Variants in DENND6A observed in about 807,000 individuals in gnomAD.
DENND6A encodes the protein DENN domain containing 6A, also known as protein DENND6A.
In DENND6A, 43 loss-of-function variants were observed where a neutral mutation model predicts 95.5. That is an observed-to-expected ratio of 0.45 (90% confidence interval 0.35 to 0.58). The LOEUF (loss-of-function observed/expected upper bound fraction) is 0.58, where lower values mean the gene tolerates loss of function less well. DENND6A is among the 20% of genes least tolerant of loss of function. The pLI is 0.00. For synonymous variants in DENND6A, 257 were observed against 260.4 expected (o/e 0.99, Z 0.13); for missense variants, 574 against 736.0 (o/e 0.78, Z 2.55).
At chr3:57,651,134 C>A (rs2071201429) in intron 9 of DENND6A, among the ~76,000 whole-genome samples, 1 of 152,162 alleles carries the variant, frequency 6.6e-6, no homozygotes, top group South Asian at 2.1e-4. Context: ...TACAGACAGT[C>A]CCCATGTTAC....
chr3:57,634,832 C>T, intron 12 of DENND6A, 63 bp from the exon 13 acceptor site: 1 of 1,315,274 alleles, frequency 7.6e-7, no homozygotes, highest in Non-Finnish European at 1.0e-6. Flanking sequence ...AAAATTGGAA[C>T]TTTATAAGAT....
At chr3:57,661,826 A>G (rs1559820929) in intron 5 of DENND6A, among the ~76,000 whole-genome samples, 1 of 152,220 alleles carries the variant, frequency 6.6e-6, no homozygotes, top group Non-Finnish European at 1.5e-5. Flanking sequence ...AGTAACTTCA[A>G]AAGTCTAGCT....
At chr3:57,667,300 G>A (rs774006632) in intron 3 of DENND6A, among the ~76,000 whole-genome samples, 3 of 152,068 alleles carry the variant, frequency 2.0e-5, no homozygotes, top group Admixed American at 6.6e-5. Flanking sequence ...GATTACAGGC[G>A]TAAGCCACTG....
At chr3:57,645,486 C>T (rs535643931) in intron 11 of DENND6A, among the ~76,000 whole-genome samples, 175 bp downstream of exon 11, 2 of 152,072 alleles carry the variant, frequency 1.3e-5, no homozygotes, top group East Asian at 3.9e-4. Context: ...AAAATAAATA[C>T]ATAAAATCGC....
chr3:57,693,061 C>T lies in DENND6A; in HGVS notation c.-43G>A. 1 of 1,341,150 alleles carries T rather than the reference C, an allele frequency of 7.5e-7. No homozygotes were observed. Among genetic ancestry groups the T allele is most frequent in the South Asian group, 1.8e-5 (1 of 54,834 alleles). The allele number at this position is 1,341,150 out of a possible 1,614,324, so 83.1% of individuals were successfully genotyped here. On this transcript the variant is annotated 5_prime_UTR_variant, in exon 1 of 20. Transcript: ENST00000311128. ...TTCGCGCCGCCTCCACAGCGGACCG[C>T]GCCGCAGAGCGCGCTTGCCTCCGCG...
intron 11 of DENND6A, 111 bp downstream of exon 11, chr3:57,645,550 A>T: frequency 1.4e-6 from 1 of 698,462 alleles, no homozygotes; most frequent in Non-Finnish European, 2.3e-6. Flanking sequence ...AGCTCCTCAA[A>T]CTTTCCTTTT....
chr3:57,671,795 G>A (rs1284611499), intron 3 of DENND6A, among the ~76,000 whole-genome samples: 2 of 151,998 alleles, frequency 1.3e-5, no homozygotes. Flanking sequence ...CAAGCACTAC[G>A]CCAAGGCTTT....
chr3:57,661,585 T>C, intron 5 of DENND6A, 34 bp from the exon 6 acceptor site: 1 of 1,497,198 alleles, frequency 6.7e-7, no homozygotes. Context: ...TTTTAAAAAT[T>C]GCTTTGTCAT....
chr3:57,665,142 CTT>C (rs10588410), intron 4 of DENND6A, among the ~76,000 whole-genome samples: 58,613 of 151,742 alleles, frequency 0.39, 12,634 homozygotes, highest in South Asian at 0.56. Flanking sequence ...GAGGGTGAAA[CTT>C]TGATGATGAA....
At chr3:57,689,017 T>C (rs2077237001) in intron 1 of DENND6A, among the ~76,000 whole-genome samples, 1 of 152,094 alleles carries the variant, frequency 6.6e-6, no homozygotes, top group South Asian at 2.1e-4. Flanking sequence ...TGGAGTGCAG[T>C]GGCCCGATCT....
intron 2 of DENND6A, 21 bp downstream of exon 2, chr3:57,672,379 C>T: frequency 6.2e-7 from 1 of 1,612,418 alleles, no homozygotes; most frequent in South Asian, 1.1e-5. Context: ...GTAAACTATA[C>T]AGAGCAGTAT....
At chr3:57,654,861 T>TA in intron 9 of DENND6A, 1 of 868,892 alleles carries the variant, frequency 1.2e-6, no homozygotes, top group South Asian at 5.3e-5. Context: ...ACTGGATAAA[T>TA]ATGTAAACTT....
intron 15 of DENND6A, 75 bp from the exon 16 acceptor site, chr3:57,631,053 TC>T: frequency 7.1e-7 from 1 of 1,407,080 alleles, no homozygotes; most frequent in Non-Finnish European, 9.9e-7. Context: ...AAGGAATGGG[TC>T]TTTTAAGTTT....
At chr3:57,674,268 G>A (rs1255384471) in intron 1 of DENND6A, among the ~76,000 whole-genome samples, 2 of 152,046 alleles carry the variant, frequency 1.3e-5, no homozygotes, top group African/African-American at 4.8e-5. Context: ...AGCTGCTGGG[G>A]AAGCTGAGGC....
In DENND6A at chr3:57,661,477, A is replaced by C. The variant is rs758251632; in HGVS notation, c.588T>G (p.Tyr196Ter). The change falls in exon 6 of 20, where the codon TAT becomes TAG. Residue 196 changes from tyrosine (Y) to a stop codon, truncating the protein, a stop_gained. Coordinates refer to ENST00000311128, the MANE Select transcript of DENND6A (RefSeq NM_152678.3). LOFTEE classifies it high-confidence loss of function. ...CCAAATAAGGTTCATTCTTTTCAAA[A>C]TACTCTGGTGCTATCTGTTTGAGCA... ...HTVLKQIAPE[Y>*]FEKNEPYLEA... The C allele has an allele frequency of 6.3e-6, 10 of 1,579,426 alleles. No homozygotes were observed. The highest frequency in any genetic ancestry group is 7.7e-6 in the Non-Finnish European group (9 of 1,171,884).
intron 3 of DENND6A, among the ~76,000 whole-genome samples, chr3:57,668,603 TA>T (rs975006855): frequency 6.6e-6 from 1 of 151,988 alleles, no homozygotes; most frequent in Non-Finnish European, 1.5e-5. Flanking sequence ...AACTGAAACC[TA>T]AAAAACCAAC....
intron 11 of DENND6A, among the ~76,000 whole-genome samples, chr3:57,645,226 G>A (rs985820955): frequency 2.6e-5 from 4 of 152,096 alleles, no homozygotes; most frequent in African/African-American, 9.7e-5. Flanking sequence ...ACTTTGTGAG[G>A]CTGAGGCAGG....
chr3:57,635,710 T>C (rs913564172), intron 12 of DENND6A, among the ~76,000 whole-genome samples: 1 of 152,220 alleles, frequency 6.6e-6, no homozygotes, highest in African/African-American at 2.4e-5. Flanking sequence ...CAATCTTATA[T>C]TGCTAAAAAA....
intron 1 of DENND6A, among the ~76,000 whole-genome samples, chr3:57,681,436 C>T (rs2077164373): frequency 6.6e-6 from 1 of 151,764 alleles, no homozygotes; most frequent in African/African-American, 2.4e-5. Flanking sequence ...TGCACTCCAG[C>T]CTGGGTGACA....
Sources: allele counts gnomAD v4.1 joint callset (sites outside exome capture counted in the v4.1 genomes callset), GRCh38; gene constraint gnomAD v4.1.1; transcripts MANE v1.5; gene names NCBI Gene and HGNC (gene_info 2026-07-23, HGNC 2026-07-21).